The following MAF variants were observed in gnomAD, a reference collection of about 807,000 sequenced individuals.
MAF encodes MAF bZIP transcription factor, also known as transcription factor Maf.
Under a neutral mutation model 22.0 loss-of-function variants are expected in MAF, and 10 were observed. The observed-to-expected ratio is 0.45, with a 90% CI of 0.28 to 0.77. The LOEUF (loss-of-function observed/expected upper bound fraction) is 0.77. Among genes scored for constraint, MAF ranks in the 30% least tolerant of loss-of-function variants. The pLI is 0.12. For synonymous variants in MAF, 337 were observed against 255.8 expected (o/e 1.32, Z -3.03); for missense variants, 544 against 548.4 (o/e 0.99, Z 0.08).
chr16:79,313,308 C>A, the MAF span, among the ~76,000 whole-genome samples: 1 of 152,068 alleles, frequency 6.6e-6, no homozygotes, highest in Non-Finnish European at 1.5e-5. Flanking sequence ...AAAAAAAGTC[C>A]TGAAGAACGG....
At chr16:79,502,162 C>G in the MAF span, among the ~76,000 whole-genome samples, 124,525 of 152,034 alleles carry the variant, frequency 0.82, 51,409 homozygotes, top group East Asian at 0.92. Context: ...GCCAGAAGGA[C>G]TCAGAAAGGT....
At chr16:79,282,093 G>A in the MAF span, among the ~76,000 whole-genome samples, 1 of 152,040 alleles carries the variant, frequency 6.6e-6, no homozygotes, top group South Asian at 2.1e-4. Flanking sequence ...ACGAGGTCAG[G>A]AGTTCGAGAC....
the MAF span, among the ~76,000 whole-genome samples, chr16:79,415,701 A>T: frequency 6.6e-6 from 1 of 151,616 alleles, no homozygotes; most frequent in African/African-American, 2.4e-5. Flanking sequence ...TGCTTGTGCC[A>T]TATTAGAAAG....
the MAF span, among the ~76,000 whole-genome samples, chr16:79,304,592 T>C: frequency 6.6e-6 from 1 of 152,084 alleles, no homozygotes; most frequent in South Asian, 2.1e-4. Flanking sequence ...GATAAGTCAG[T>C]GAGAGCAAGA....
At chr16:79,539,423 G>T in the MAF span, among the ~76,000 whole-genome samples, 1 of 152,134 alleles carries the variant, frequency 6.6e-6, no homozygotes, top group Non-Finnish European at 1.5e-5. Flanking sequence ...AGAATCACTC[G>T]AACCCAGGAG....
chr16:79,208,915 G>A, the MAF span, among the ~76,000 whole-genome samples: 1 of 152,198 alleles, frequency 6.6e-6, no homozygotes, highest in South Asian at 2.1e-4. Context: ...TGTCCAGCAA[G>A]GGAGGAAAGT....
the MAF span, among the ~76,000 whole-genome samples, chr16:79,341,072 C>T: frequency 1.2e-3 from 187 of 152,180 alleles, 2 homozygotes; most frequent in African/African-American, 4.1e-3. Context: ...GGAAGGAGGC[C>T]GGAAGCAGGA....
the MAF span, among the ~76,000 whole-genome samples, chr16:79,547,924 G>GAC: frequency 6.7e-6 from 1 of 148,430 alleles, no homozygotes; most frequent in Non-Finnish European, 1.5e-5. Flanking sequence ...GAGAGATAGA[G>GAC]AGAGAGAGAG....
chr16:79,597,383 A>G, intron 1 of MAF: 1 of 1,034,520 alleles, frequency 9.7e-7, no homozygotes, highest in Non-Finnish European at 1.2e-6. Context: ...AATAAAACAA[A>G]CCAAAAATAA....
the MAF span, among the ~76,000 whole-genome samples, chr16:79,282,390 G>A: frequency 6.6e-6 from 1 of 152,156 alleles, no homozygotes; most frequent in African/African-American, 2.4e-5. Context: ...AGCAGAACCA[G>A]AATAACCACT....
the MAF span, among the ~76,000 whole-genome samples, chr16:79,314,970 G>T: frequency 1.3e-5 from 2 of 152,228 alleles, no homozygotes; most frequent in African/African-American, 4.8e-5. Context: ...TTTCTCCATT[G>T]TTCCTCTGCA....
the MAF span, among the ~76,000 whole-genome samples, chr16:79,547,269 G>C: frequency 6.6e-6 from 1 of 151,000 alleles, no homozygotes; most frequent in Non-Finnish European, 1.5e-5. Flanking sequence ...ACACACTACT[G>C]TATCTACACA....
the MAF span, among the ~76,000 whole-genome samples, chr16:79,241,426 C>G: frequency 6.6e-6 from 1 of 151,906 alleles, no homozygotes; most frequent in South Asian, 2.1e-4. Flanking sequence ...ATTGATCAGA[C>G]AGAAGAAAGG....
At chr16:79,209,268 A>G in the MAF span, among the ~76,000 whole-genome samples, 2 of 152,238 alleles carry the variant, frequency 1.3e-5, no homozygotes, top group Non-Finnish European at 2.9e-5. Flanking sequence ...TCCTGCAACA[A>G]TGGCATTCTG....
chr16:79,219,593 A>G, the MAF span, among the ~76,000 whole-genome samples: 2 of 150,408 alleles, frequency 1.3e-5, no homozygotes, highest in Admixed American at 1.3e-4. Flanking sequence ...CAGCTTTTGA[A>G]GTGAATGTTA....
chr16:79,522,444 T>C, the MAF span, among the ~76,000 whole-genome samples: 1 of 152,276 alleles, frequency 6.6e-6, no homozygotes, highest in African/African-American at 2.4e-5. Flanking sequence ...TCCTCACCAC[T>C]TGTGTGCACA....
the MAF span, among the ~76,000 whole-genome samples, chr16:79,501,307 C>A: frequency 5.6e-4 from 86 of 152,230 alleles, no homozygotes; most frequent in Admixed American, 9.2e-4. Flanking sequence ...ATAAGGGCAC[C>A]AGTCATTGGA....
intron 1 of MAF, chr16:79,594,908 T>G: frequency 1.7e-6 from 2 of 1,156,508 alleles, no homozygotes; most frequent in Non-Finnish European, 2.1e-6. Context: ...TTCAACTACC[T>G]TGTAGATTCC....
At chr16:79,420,543 C>T in the MAF span, among the ~76,000 whole-genome samples, 8 of 152,262 alleles carry the variant, frequency 5.3e-5, no homozygotes, top group South Asian at 4.1e-4. Flanking sequence ...TGCTGCCCCC[C>T]TCCCCCTACG....
Sources: gnomAD v4.1 joint callset for allele counts (sites outside exome capture counted in the v4.1 genomes callset) on GRCh38, gnomAD v4.1.1 for gene constraint, MANE v1.5 for transcripts, NCBI Gene and HGNC (gene_info 2026-07-23, HGNC 2026-07-21) for gene names.